The following KLRG1 variants were observed in gnomAD, a reference collection of about 807,000 sequenced individuals.
The protein encoded by KLRG1 is killer cell lectin like receptor G1.
KLRG1 carries 16 observed loss-of-function variants against 21.8 expected under a neutral mutation model. The ratio of observed to expected loss-of-function variants is 0.73; its 90% CI spans 0.50 to 1.11. KLRG1 has a LOEUF of 1.11. Among genes scored for constraint, KLRG1 ranks in the 50% most tolerant of loss-of-function variants. The probability of loss-of-function intolerance (pLI) is 0.00; values close to 1 mark genes in which losing one functional copy is unlikely to be tolerated. For synonymous variants in KLRG1, 69 were observed against 75.9 expected, an observed-to-expected ratio of 0.91 and a Z score of 0.47; for missense variants, 173 against 218.3, an observed-to-expected ratio of 0.79 and a Z score of 1.31.
chr12:9,203,472 G>C, the KLRG1 span, among the ~76,000 whole-genome samples: 1 of 151,622 alleles, frequency 6.6e-6, no homozygotes, highest in East Asian at 1.9e-4. Context: ...CTCCCAGGTA[G>C]CTGGGACTAC....
chr12:9,010,850 A>G (rs767826770), downstream of KLRG1: 12 of 152,360 alleles, frequency 7.9e-5, no homozygotes, highest in East Asian at 3.9e-4. Context: ...TAACTCACCA[A>G]TATGAGTCTT....
At chr12:9,001,692 C>T (rs997522525) in intron 3 of KLRG1, among the ~76,000 whole-genome samples, 3 of 152,188 alleles carry the variant, frequency 2.0e-5, no homozygotes, top group Non-Finnish European at 2.9e-5. Flanking sequence ...GCACAGATCA[C>T]CTTGACATTT....
the KLRG1 span, chr12:9,150,659 C>T: frequency 1.2e-6 from 2 of 1,605,892 alleles, no homozygotes; most frequent in Admixed American, 3.4e-5. Flanking sequence ...TCATAGTAAT[C>T]ATAGACTTTA....
intron 1 of KLRG1, among the ~76,000 whole-genome samples, chr12:8,965,364 G>T (rs1275116189): frequency 6.6e-6 from 1 of 152,094 alleles, no homozygotes; most frequent in Non-Finnish European, 1.5e-5. Flanking sequence ...AGGAAATAAA[G>T]GGTATTCAAT....
At chr12:8,996,388 C>T (rs1307650875) in intron 3 of KLRG1, 2 of 152,166 alleles carry the variant, frequency 1.3e-5, no homozygotes, top group Non-Finnish European at 2.9e-5. Flanking sequence ...TGTGTTAGTG[C>T]TAATTTGATA....
the KLRG1 span, among the ~76,000 whole-genome samples, chr12:9,179,317 C>G: frequency 6.6e-6 from 1 of 152,098 alleles, no homozygotes; most frequent in Non-Finnish European, 1.5e-5. Flanking sequence ...TTTATTGCCT[C>G]TCTCTAAGGA....
At chr12:9,030,734 A>G in the KLRG1 span, among the ~76,000 whole-genome samples, 1 of 152,224 alleles carries the variant, frequency 6.6e-6, no homozygotes, top group African/African-American at 2.4e-5. Context: ...ATGATAAAAA[A>G]CAATGGTATG....
chr12:9,157,924 A>T, the KLRG1 span: 3 of 1,119,724 alleles, frequency 2.7e-6, no homozygotes, highest in South Asian at 1.3e-5. Flanking sequence ...AACGCTCCTC[A>T]GTATCTGTTT....
the KLRG1 span, among the ~76,000 whole-genome samples, chr12:9,107,343 A>G: frequency 6.6e-6 from 1 of 152,220 alleles, no homozygotes; most frequent in African/African-American, 2.4e-5. Flanking sequence ...ACAATGGGCA[A>G]TTACGAGAAA....
the KLRG1 span, among the ~76,000 whole-genome samples, chr12:9,206,260 A>C: frequency 6.6e-6 from 1 of 151,578 alleles, no homozygotes; most frequent in South Asian, 2.1e-4. Flanking sequence ...ATATATATTT[A>C]TAATTTATTT....
chr12:9,133,251 G>T, the KLRG1 span, among the ~76,000 whole-genome samples: 1 of 152,086 alleles, frequency 6.6e-6, no homozygotes, highest in Non-Finnish European at 1.5e-5. Context: ...GATTAATTGG[G>T]TTCAGTCAAT....
the KLRG1 span, among the ~76,000 whole-genome samples, chr12:9,016,229 T>A: frequency 6.6e-6 from 1 of 151,944 alleles, no homozygotes; most frequent in Admixed American, 6.6e-5. Flanking sequence ...TTGGTTTTTT[T>A]GAAAAGATAA....
the KLRG1 span, among the ~76,000 whole-genome samples, chr12:9,179,945 T>C: frequency 6.6e-6 from 1 of 152,226 alleles, no homozygotes; most frequent in Non-Finnish European, 1.5e-5. Flanking sequence ...GTGCCACTTA[T>C]CTTGAACAAA....
chr12:8,987,574 G>T (rs760805166), upstream of KLRG1: 3 of 152,324 alleles, frequency 2.0e-5, no homozygotes, highest in Non-Finnish European at 4.4e-5. Context: ...GTGAATACAA[G>T]AATATTCACA....
At chr12:9,165,107 C>T in the KLRG1 span, 3 of 1,598,246 alleles carry the variant, frequency 1.9e-6, no homozygotes, top group African/African-American at 4.0e-5. Flanking sequence ...TTTGTTCTAC[C>T]CACCTTTCCT....
the KLRG1 span, chr12:9,028,732 G>A: frequency 5.8e-5 from 30 of 521,154 alleles, no homozygotes; most frequent in African/African-American, 2.3e-4. Context: ...CTGAGCCACC[G>A]CACCCGGCCT....
chr12:9,090,550 A>C, the KLRG1 span: 1 of 1,542,218 alleles, frequency 6.5e-7, no homozygotes, highest in Non-Finnish European at 8.9e-7. Flanking sequence ...TTTGAAGTAA[A>C]GCATCTTGAG....
chr12:9,109,454 G>T, the KLRG1 span: 2 of 1,442,726 alleles, frequency 1.4e-6, no homozygotes, highest in South Asian at 2.4e-5. Context: ...CAACTTTGGG[G>T]GAATTCCTAT....
chr12:8,958,092 C>T (rs1159793394), intron 1 of KLRG1, among the ~76,000 whole-genome samples: 7 of 152,090 alleles, frequency 4.6e-5, no homozygotes, highest in Admixed American at 3.3e-4. Context: ...GAGACAGGCT[C>T]TTGCTATAGT....
Sources: allele counts gnomAD v4.1 joint callset (sites outside exome capture counted in the v4.1 genomes callset), GRCh38; gene constraint gnomAD v4.1.1; transcripts MANE v1.5; gene names NCBI Gene and HGNC (gene_info 2026-07-23, HGNC 2026-07-21).